Variants in MAP3K2 observed in about 807,000 individuals in gnomAD.
MAP3K2 encodes the protein mitogen-activated protein kinase kinase kinase 2.
In MAP3K2, 24 loss-of-function variants were observed where a neutral mutation model predicts 80.3. The observed-to-expected ratio is 0.30, with a 90% CI of 0.22 to 0.42. The LOEUF is 0.42. Ranked by LOEUF, MAP3K2 falls within the 10% of genes least tolerant of loss-of-function variation. The probability of loss-of-function intolerance (pLI) is 1.00; values close to 1 mark genes in which losing one functional copy is unlikely to be tolerated. For synonymous variants in MAP3K2, 244 were observed against 253.7 expected, an observed-to-expected ratio of 0.96 and a Z score of 0.36; for missense variants, 608 against 750.1, an observed-to-expected ratio of 0.81 and a Z score of 2.21.
intron 1 of MAP3K2, among the ~76,000 whole-genome samples, chr2:127,369,339 C>G (rs1687022560): frequency 6.6e-6 from 1 of 150,942 alleles, no homozygotes; most frequent in Non-Finnish European, 1.5e-5. Flanking sequence ...TATTACAAAA[C>G]AGCAAATAAT....
intron 2 of MAP3K2, 150 bp downstream of exon 2, chr2:127,342,976 C>T: frequency 1.7e-6 from 1 of 573,048 alleles, no homozygotes; most frequent in East Asian, 2.9e-5. Context: ...AATTCAAAGT[C>T]TATTAAGTAA....
chr2:127,369,468 T>TAAAAAAAAAAAAAAAAAAAAAAAA (rs70985451), intron 1 of MAP3K2, among the ~76,000 whole-genome samples: 1 of 32,730 alleles, frequency 3.1e-5, no homozygotes. Flanking sequence ...CCGTCTCTAC[T>TAAAAAAAAAAAAAAAAAAAAAAAA]AAAAAAAAAA....
intron 1 of MAP3K2, among the ~76,000 whole-genome samples, chr2:127,376,331 G>C: frequency 6.6e-6 from 1 of 151,942 alleles, no homozygotes. Context: ...GGAAGGGGGG[G>C]AGCGCAACCA....
intron 1 of MAP3K2, among the ~76,000 whole-genome samples, chr2:127,349,995 C>T (rs1686663987): frequency 6.6e-6 from 1 of 152,062 alleles, no homozygotes; most frequent in African/African-American, 2.4e-5. Context: ...CCACCTCAGC[C>T]TATAGCATTT....
rs185531695 is a variant in MAP3K2 at position 127,368,386 on chromosome 2, G to T, written c.-66+19066C>A. ...ACCTGTAATCCCAGCACTTTGGGAGGCTGAGGCGGGCAGATCACGAGGTCT... is the reference window on the plus strand; with the variant it reads ...ACCTGTAATCCCAGCACTTTGGGAGTCTGAGGCGGGCAGATCACGAGGTCT... On this transcript the variant is annotated intron_variant, in intron 1 of 16. Transcript: ENST00000682094. Among the ~76,000 whole-genome samples the T allele has an allele frequency of 8.5e-5, 13 of 152,132 alleles. No homozygotes were observed. In the East Asian group the frequency reaches 2.5e-3, roughly 29 times the overall value.
Position 127,300,603 on chromosome 2 carries a change from A to G in MAP3K2, c.*6976T>C, listed in dbSNP as rs1268610318. 6.6e-6 allele frequency: 1 copy of G among 152,204 alleles called. No homozygotes were observed. The highest frequency in any genetic ancestry group is 1.5e-5 in the Non-Finnish European group (1 of 68,012). 9.4% of individuals were successfully genotyped at this position (152,204 alleles called of 1,614,324 possible). On this transcript the variant is annotated 3_prime_UTR_variant, in exon 17 of 17. Transcript: ENST00000682094. ...AGTATTTTTGGTATTAACTCTTATA[A>G]TATTTCAGAATTCAGGGTAGCAAAT...
chr2:127,372,632 TG>T lies in MAP3K2; in HGVS notation c.-66+14819del, dbSNP rs777681766. Among the ~76,000 whole-genome samples, 13 of 152,146 alleles carry T rather than the reference TG, an allele frequency of 8.5e-5. 1 individual carries two copies. The highest frequency in any genetic ancestry group is 1.8e-4 in the Non-Finnish European group (12 of 68,022). ...ACTCATGCCCTTCCCTGTTAACCTT[TG>T]GGGACGGGACCTATTAGCCCAATGG... On this transcript the variant is annotated intron_variant, in intron 1 of 16. Coordinates refer to ENST00000682094, the MANE Select transcript of MAP3K2 (RefSeq NM_001371910.2).
At chr2:127,367,470 C>T (rs1178872799) in intron 1 of MAP3K2, among the ~76,000 whole-genome samples, 2 of 152,146 alleles carry the variant, frequency 1.3e-5, no homozygotes, top group African/African-American at 4.8e-5. Context: ...GGTCTCATTT[C>T]CCTATCACAT....
rs991099136 is a variant in MAP3K2, at chr2:127,301,149, T to C, written c.*6430A>G. On this transcript the variant is annotated 3_prime_UTR_variant, in exon 17 of 17. Transcript: ENST00000682094. ...CATATAGTAGAAGCAGATACTTCCT[T>C]ATGTTCCAAAATGTCTATGGCACAA... 1 of 152,228 alleles carries C rather than the reference T, an allele frequency of 6.6e-6. No homozygotes were observed. Among genetic ancestry groups the C allele is most frequent in the Non-Finnish European group, 1.5e-5 (1 of 68,034 alleles). The allele number at this position is 152,228 out of a possible 1,614,324, so 9.4% of individuals were successfully genotyped here.
At chr2:127,308,041 T>A (rs190607623) in intron 16 of MAP3K2, among the ~76,000 whole-genome samples, 11 of 152,342 alleles carry the variant, frequency 7.2e-5, no homozygotes, top group African/African-American at 2.4e-4. Flanking sequence ...ACATTATTCA[T>A]CTTATTATTT....
At chr2:127,333,379 C>T (rs1301497250) in intron 5 of MAP3K2, among the ~76,000 whole-genome samples, 3 of 152,014 alleles carry the variant, frequency 2.0e-5, no homozygotes, top group Admixed American at 1.3e-4. Context: ...ATTTCCTTAA[C>T]GTTTCAATTC....
intron 14 of MAP3K2, chr2:127,316,986 A>C (rs1347505367): frequency 6.6e-6 from 1 of 152,228 alleles, no homozygotes; most frequent in Non-Finnish European, 1.5e-5. Flanking sequence ...AACTAAAATT[A>C]TAAAAAATTT....
At chr2:127,346,857 G>A (rs1686604247) in intron 1 of MAP3K2, among the ~76,000 whole-genome samples, 2 of 151,766 alleles carry the variant, frequency 1.3e-5, no homozygotes, top group Non-Finnish European at 2.9e-5. Flanking sequence ...GCATGGTGAT[G>A]GGCACCTATA....
chr2:127,334,737 T>C (rs1224392831), intron 5 of MAP3K2, among the ~76,000 whole-genome samples: 2 of 151,224 alleles, frequency 1.3e-5, no homozygotes, highest in African/African-American at 4.9e-5. Flanking sequence ...TGAGCCACTG[T>C]GCTCTGCCCG....
chr2:127,335,098 T>A (rs1686339642), intron 5 of MAP3K2, among the ~76,000 whole-genome samples: 1 of 152,194 alleles, frequency 6.6e-6, no homozygotes, highest in African/African-American at 2.4e-5. Context: ...AAGAACTTCG[T>A]ATATTCAAAC....
chr2:127,370,608 T>A (rs1687045925), intron 1 of MAP3K2, among the ~76,000 whole-genome samples: 1 of 152,164 alleles, frequency 6.6e-6, no homozygotes, highest in African/African-American at 2.4e-5. Context: ...ACAGGCTCAA[T>A]TAAGGGACCT....
chr2:127,362,085 T>G (rs1686902849), intron 1 of MAP3K2, among the ~76,000 whole-genome samples: 1 of 152,232 alleles, frequency 6.6e-6, no homozygotes, highest in Admixed American at 6.5e-5. Context: ...ATTTGTAATT[T>G]TTAACAGATC....
chr2:127,329,778 T>C, intron 7 of MAP3K2, 143 bp downstream of exon 7: 1 of 581,114 alleles, frequency 1.7e-6, no homozygotes. Flanking sequence ...CGTCAAATAT[T>C]AGAGTGTATT....
At chr2:127,335,115 T>G (rs950689606) in intron 5 of MAP3K2, among the ~76,000 whole-genome samples, 2 of 152,178 alleles carry the variant, frequency 1.3e-5, no homozygotes, top group South Asian at 2.1e-4. Flanking sequence ...AAACAACTCA[T>G]TTATTAATGG....
Sources: allele counts gnomAD v4.1 joint callset (sites outside exome capture counted in the v4.1 genomes callset), GRCh38; gene constraint gnomAD v4.1.1; transcripts MANE v1.5; gene names NCBI Gene and HGNC (gene_info 2026-07-23, HGNC 2026-07-21).